Variants in ANKRD30BL observed in about 807,000 individuals in gnomAD.
The protein encoded by ANKRD30BL is ankyrin repeat domain 30B like.
ANKRD30BL carries 20 observed loss-of-function variants against 18.4 expected under a neutral mutation model. That is an observed-to-expected ratio of 1.09 (90% CI 0.77 to 1.58). The LOEUF is 1.58. Among genes scored for constraint, ANKRD30BL ranks in the 40% most tolerant of loss-of-function variants. The pLI, the probability that ANKRD30BL is intolerant of heterozygous loss-of-function variation, is 0.00. For synonymous variants in ANKRD30BL, 72 were observed against 100.9 expected (o/e 0.71, Z 1.72); for missense variants, 224 against 268.6 (o/e 0.83, Z 1.16).
intron 1 of ANKRD30BL, among the ~76,000 whole-genome samples, chr2:132,240,215 G>A (rs570947792): frequency 1.3e-5 from 2 of 151,928 alleles, no homozygotes; most frequent in Admixed American, 1.3e-4. Context: ...TCAAATCACA[G>A]AGTTACACCT....
At chr2:132,177,326 G>C (rs1465211195) in intron 1 of ANKRD30BL, among the ~76,000 whole-genome samples, 2 of 151,930 alleles carry the variant, frequency 1.3e-5, no homozygotes, top group Non-Finnish European at 2.9e-5. Flanking sequence ...GCTAATTTTT[G>C]TATTTTTAGT....
At chr2:132,244,601 T>G in intron 1 of ANKRD30BL, among the ~76,000 whole-genome samples, 1 of 152,180 alleles carries the variant, frequency 6.6e-6, no homozygotes, top group Middle Eastern at 3.4e-3. Context: ...CCATAATAAC[T>G]AGACAGAAGA....
chr2:132,236,363 G>T (rs922015633), intron 1 of ANKRD30BL, among the ~76,000 whole-genome samples: 20 of 152,046 alleles, frequency 1.3e-4, no homozygotes, highest in Admixed American at 3.9e-4. Context: ...GAACATTTTT[G>T]CAACCTACTC....
intron 1 of ANKRD30BL, among the ~76,000 whole-genome samples, chr2:132,220,982 G>A (rs1283736415): frequency 8.4e-5 from 12 of 142,048 alleles, no homozygotes; most frequent in East Asian, 2.1e-4. Context: ...GCCGCCCATC[G>A]TCTGAGAGGT....
Position 132,198,571 on chromosome 2 carries a change from C to G in ANKRD30BL, n.442-41425G>C, listed in dbSNP as rs1679026171. 2.0e-5 allele frequency among the ~76,000 whole-genome samples: 3 copies of G among 151,712 alleles called. No individual in the cohort carries two copies. The South Asian group carries it at 6.2e-4, about 32-fold the overall frequency. On this transcript the variant is annotated intron_variant and non_coding_transcript_variant, in intron 1 of 4. Transcript: ENST00000470729. ...ATCTCCTGACCTCGTGATCTGCCCGCCTTGGCCTCCCAAAGTGCTGGGATC... is the reference window on the plus strand; with the variant it reads ...ATCTCCTGACCTCGTGATCTGCCCGGCTTGGCCTCCCAAAGTGCTGGGATC...
intron 1 of ANKRD30BL, among the ~76,000 whole-genome samples, chr2:132,191,087 T>A (rs71430480): frequency 6.6e-6 from 1 of 152,202 alleles, no homozygotes; most frequent in Non-Finnish European, 1.5e-5. Context: ...CAAAGGTTCT[T>A]TTGTACTCCT....
At position 132,253,113 on chromosome 2, in the gene ANKRD30BL, G is replaced by T. The variant is rs574240341; in HGVS notation, n.441+4416C>A. On this transcript the variant is annotated intron_variant and non_coding_transcript_variant, in intron 1 of 4. Coordinates refer to the ANKRD30BL transcript ENST00000470729. ...CTGCCAGGGAACAGTCATGCACCCC[G>T]AGGAGCCCAGAGGCAACCCTGGGGG... 258 of 179,160 alleles carry T rather than the reference G, an allele frequency of 1.4e-3. 1 individual carries two copies. Among genetic ancestry groups the T allele is most frequent in the African/African-American group, 5.6e-3 (235 of 41,754 alleles). The allele number at this position is 179,160 out of a possible 1,614,324, so 11.1% of individuals were successfully genotyped here.
chr2:132,177,876 TTTTG>T (rs1688393006), intron 1 of ANKRD30BL, among the ~76,000 whole-genome samples: 1 of 152,206 alleles, frequency 6.6e-6, no homozygotes, highest in Non-Finnish European at 1.5e-5. Context: ...ATGGGAATTT[TTTTG>T]TTTGTTTTTT....
intron 1 of ANKRD30BL, among the ~76,000 whole-genome samples, chr2:132,188,097 A>G (rs1688601938): frequency 1.3e-5 from 2 of 152,080 alleles, no homozygotes; most frequent in East Asian, 1.9e-4. Flanking sequence ...ATGTATTTTT[A>G]TGCCATAGTT....
chr2:132,171,154 CAA>C (rs34972551), intron 1 of ANKRD30BL, among the ~76,000 whole-genome samples: 3 of 120,630 alleles, frequency 2.5e-5, no homozygotes, highest in Non-Finnish European at 1.7e-5. Flanking sequence ...GACTCTGTCT[CAA>C]AAAAAAAAAA....
intron 1 of ANKRD30BL, among the ~76,000 whole-genome samples, chr2:132,247,265 A>T (rs1369964334): frequency 6.6e-6 from 1 of 152,094 alleles, no homozygotes; most frequent in African/African-American, 2.4e-5. Context: ...TTTTTGTAGT[A>T]TCTGGAAGTG....
chr2:132,193,303 C>A (rs547430037), intron 1 of ANKRD30BL, among the ~76,000 whole-genome samples: 1 of 152,314 alleles, frequency 6.6e-6, no homozygotes, highest in East Asian at 1.9e-4. Context: ...GACTGTCTTA[C>A]TTTTCAACAG....
chr2:132,179,666 G>C (rs969621315), intron 1 of ANKRD30BL, among the ~76,000 whole-genome samples: 10 of 152,206 alleles, frequency 6.6e-5, no homozygotes, highest in African/African-American at 2.2e-4. Context: ...TTTCAGGCAG[G>C]TCCTTCAGGA....
intron 1 of ANKRD30BL, among the ~76,000 whole-genome samples, chr2:132,172,998 A>C (rs1688307677): frequency 6.6e-6 from 1 of 151,606 alleles, no homozygotes; most frequent in Non-Finnish European, 1.5e-5. Flanking sequence ...GAGCCACCAC[A>C]CCTGGTCAAC....
At chr2:132,184,992 TTAG>T in intron 1 of ANKRD30BL, among the ~76,000 whole-genome samples, 1 of 152,244 alleles carries the variant, frequency 6.6e-6, no homozygotes, top group East Asian at 1.9e-4. Context: ...TTTTGTATTT[TTAG>T]TAGAGACAGG....
chr2:132,248,024 G>A (rs555988821), intron 1 of ANKRD30BL, among the ~76,000 whole-genome samples: 1 of 151,912 alleles, frequency 6.6e-6, no homozygotes, highest in Non-Finnish European at 1.5e-5. Flanking sequence ...AAAAAGAAAG[G>A]TTCAACTCTG....
chr2:132,213,136 G>GAA (rs140108073), intron 1 of ANKRD30BL, among the ~76,000 whole-genome samples: 29 of 150,414 alleles, frequency 1.9e-4, no homozygotes, highest in African/African-American at 7.1e-4. Context: ...GCCTATGGTG[G>GAA]AAAAAAAAAT....
At chr2:132,170,080 T>G (rs1456789321) in intron 1 of ANKRD30BL, among the ~76,000 whole-genome samples, 3 of 152,176 alleles carry the variant, frequency 2.0e-5, no homozygotes, top group Non-Finnish European at 2.9e-5. Context: ...GATCCTCAAT[T>G]TTATATACTA....
chr2:132,148,804 A>G (rs562384128), intron 5 of ANKRD30BL, among the ~76,000 whole-genome samples: 196 of 152,348 alleles, frequency 1.3e-3, no homozygotes, highest in African/African-American at 4.4e-3. Context: ...AGCACTAAAT[A>G]AAGTAGTAAA....
Sources: allele counts gnomAD v4.1 joint callset (sites outside exome capture counted in the v4.1 genomes callset), GRCh38; gene constraint gnomAD v4.1.1; transcripts MANE v1.5; gene names NCBI Gene and HGNC (gene_info 2026-07-23, HGNC 2026-07-21).